The following CFAP57 variants were observed in gnomAD, a reference collection of about 807,000 sequenced individuals.
The protein encoded by CFAP57 is cilia- and flagella-associated protein 57.
Under a neutral mutation model 146.8 loss-of-function variants are expected in CFAP57, and 116 were observed. The ratio of observed to expected loss-of-function variants is 0.79; its 90% CI spans 0.68 to 0.92. CFAP57 has a LOEUF of 0.92. Ranked by LOEUF, CFAP57 falls within the 40% of genes least tolerant of loss-of-function variation. The pLI, the probability that CFAP57 is intolerant of heterozygous loss-of-function variation, is 0.00. For synonymous variants in CFAP57, 518 were observed against 552.8 expected (o/e 0.94, Z 0.88); for missense variants, 1,377 against 1,527.2 (o/e 0.90, Z 1.64).
intron 22 of CFAP57, among the ~76,000 whole-genome samples, chr1:43,248,138 C>CAAAAAA (rs35277187): frequency 1.8e-5 from 1 of 54,804 alleles, no homozygotes; most frequent in Non-Finnish European, 3.3e-5. Context: ...GACTCTGTCT[C>CAAAAAA]AAAAAAAAAA....
chr1:43,175,388 C>T (rs1008529656), intron 2 of CFAP57, among the ~76,000 whole-genome samples: 2 of 151,780 alleles, frequency 1.3e-5, no homozygotes, highest in Admixed American at 6.6e-5. Context: ...CATTTTTTAT[C>T]CTCCTAGGGA....
At chr1:43,225,820 G>C (rs1484827667) in intron 17 of CFAP57, among the ~76,000 whole-genome samples, 1 of 152,224 alleles carries the variant, frequency 6.6e-6, no homozygotes, top group East Asian at 1.9e-4. Context: ...GTAAATGTTT[G>C]ATGGATGGAT....
chr1:43,219,036 CAGAGTA>C (rs1286192910), intron 12 of CFAP57, among the ~76,000 whole-genome samples: 1 of 152,048 alleles, frequency 6.6e-6, no homozygotes, highest in Non-Finnish European at 1.5e-5. Context: ...AGAAGTAGAG[CAGAGTA>C]AGAGAGGTGA....
In CFAP57 at chr1:43,234,548, G is replaced by A. The variant is rs1263769336; in HGVS notation, c.3315G>A (p.Arg1105=). The A allele has an allele frequency of 3.2e-6, 5 of 1,550,472 alleles. No individual in the cohort carries two copies. The highest frequency in any genetic ancestry group is 4.4e-6 in the Non-Finnish European group (5 of 1,146,932). The change falls in exon 21 of 23, where the codon CGG becomes CGA. Residue 1105 remains arginine (R), a synonymous_variant. Transcript: ENST00000372492. ...TGCAGCAGGAGTACACCCGGCAGCG[G>A]GAGCACCTGGAGAGGAACCTGGCCA... ...TDLQQEYTRQ[R]EHLERNLATL... is the part of the protein sequence containing the mutation.
intron 15 of CFAP57, 130 bp from the exon 16 acceptor site, chr1:43,222,694 G>A (rs971780389): frequency 1.5e-5 from 17 of 1,099,234 alleles, no homozygotes; most frequent in South Asian, 4.0e-5. Flanking sequence ...CATGGTCTCC[G>A]TTTCTGGAAT....
rs751641776 is a variant in CFAP57, at chr1:43,198,488, G to A, written c.1270G>A (p.Glu424Lys). The A allele has an allele frequency of 1.9e-6, 3 of 1,613,918 alleles. No homozygotes were observed. Among genetic ancestry groups the A allele is most frequent in the Non-Finnish European group, 2.5e-6 (3 of 1,179,998 alleles). The change falls in exon 8 of 23, where the codon GAA (glutamate) becomes AAA (lysine). Residue 424 changes from glutamate to lysine, a missense_variant. Physicochemically the swap from Glu to Lys is moderately conservative, Grantham distance 56 (BLOSUM62 1). Coordinates refer to ENST00000372492, the MANE Select transcript of CFAP57 (RefSeq NM_001378189.1). ...RLWNYETNTL[E>K]LFKEYQEEAY... The stretch of plus-strand genomic sequence containing the variant: ...AATTGATCTTTTTCACAGCACCCTG[G>A]AACTATTTAAGGAATACCAAGAAGA...
intron 10 of CFAP57, among the ~76,000 whole-genome samples, chr1:43,209,342 T>A (rs1417273923): frequency 6.6e-6 from 1 of 152,204 alleles, no homozygotes; most frequent in East Asian, 1.9e-4. Context: ...CCCAGGTACA[T>A]GAGTTGAAGC....
intron 9 of CFAP57, among the ~76,000 whole-genome samples, chr1:43,204,368 T>C (rs1644262703): frequency 6.6e-6 from 1 of 151,944 alleles, no homozygotes; most frequent in African/African-American, 2.4e-5. Flanking sequence ...GAATGCTTTC[T>C]TTCTTTCTTT....
chr1:43,197,778 C>T, intron 7 of CFAP57, 86 bp downstream of exon 7: 1 of 1,558,566 alleles, frequency 6.4e-7, no homozygotes, highest in Non-Finnish European at 8.8e-7. Context: ...GTGTTCCAAA[C>T]TTTAATTATT....
intron 22 of CFAP57, among the ~76,000 whole-genome samples, chr1:43,248,298 A>G (rs1320361063): frequency 2.7e-5 from 4 of 147,346 alleles, no homozygotes; most frequent in Non-Finnish European, 6.0e-5. Flanking sequence ...TCTCCCCTAC[A>G]TTGTTTCATA....
chr1:43,198,765 G>A (rs1456737427), intron 8 of CFAP57, 119 bp downstream of exon 8: 2 of 1,074,968 alleles, frequency 1.9e-6, no homozygotes, highest in Non-Finnish European at 2.8e-6. Context: ...AACTACAGTG[G>A]CTTAAAAAAA....
intron 8 of CFAP57, 112 bp from the exon 9 acceptor site, chr1:43,199,278 C>T: frequency 2.0e-6 from 2 of 982,850 alleles, no homozygotes; most frequent in Non-Finnish European, 3.3e-6. Context: ...CCACTCCCAC[C>T]CTCACACGTA....
intron 18 of CFAP57, among the ~76,000 whole-genome samples, chr1:43,230,352 G>GC (rs1043365731): frequency 1.3e-5 from 2 of 152,136 alleles, no homozygotes; most frequent in African/African-American, 4.8e-5. Flanking sequence ...GGTCTGCCTG[G>GC]CCCCCGTCTT....
intron 3 of CFAP57, among the ~76,000 whole-genome samples, chr1:43,183,073 C>T (rs1645483496): frequency 6.6e-6 from 1 of 152,240 alleles, no homozygotes; most frequent in Admixed American, 6.5e-5. Flanking sequence ...TGTGTGGCCA[C>T]ATGGCTTTGC....
chr1:43,249,473 A>G (rs1358136521), intron 22 of CFAP57, among the ~76,000 whole-genome samples: 2 of 108,998 alleles, frequency 1.8e-5, no homozygotes, highest in Non-Finnish European at 3.3e-5. Context: ...TGTGTCACCC[A>G]GGCTGGAGTG....
At chr1:43,231,001 C>A (rs777149102) in intron 18 of CFAP57, among the ~76,000 whole-genome samples, 1 of 152,196 alleles carries the variant, frequency 6.6e-6, no homozygotes, top group African/African-American at 2.4e-5. Flanking sequence ...TATAACTCTG[C>A]CAACACTGCC....
chr1:43,243,097 A>G (rs1219896978), intron 21 of CFAP57, 130 bp from the exon 22 acceptor site: 1 of 1,100,434 alleles, frequency 9.1e-7, no homozygotes, highest in Non-Finnish European at 1.2e-6. Context: ...AGGCCCCAAT[A>G]GAGGATCCAG....
In CFAP57 at chr1:43,186,474, G is replaced by A. The variant is rs928511476; in HGVS notation, c.970-233G>A. On this transcript the variant is annotated intron_variant, in intron 5 of 22. Transcript: ENST00000372492. ...AAAATACAAAAAATTAGCCAAGCGC[G>A]GTGGTGGGCGGCTGTTGTCCCAGCT... 3.9e-5 allele frequency among the ~76,000 whole-genome samples: 6 copies of A among 151,932 alleles called. No homozygotes were observed. In the East Asian group the frequency reaches 9.7e-4, roughly 24 times the overall value.
At chr1:43,224,669 G>A (rs1645176020) in intron 17 of CFAP57, among the ~76,000 whole-genome samples, 1 of 152,176 alleles carries the variant, frequency 6.6e-6, no homozygotes, top group South Asian at 2.1e-4. Flanking sequence ...TCCACTTTTG[G>A]GATGCCTTTC....
Sources: gnomAD v4.1 joint callset for allele counts (sites outside exome capture counted in the v4.1 genomes callset) on GRCh38, gnomAD v4.1.1 for gene constraint, MANE v1.5 for transcripts, NCBI Gene and HGNC (gene_info 2026-07-23, HGNC 2026-07-21) for gene names.